Variants in SMARCAD1 observed in about 807,000 individuals in gnomAD.
The protein encoded by SMARCAD1 is SWI/SNF-related matrix-associated actin-dependent regulator of chromatin subfamily A containing DEAD/H box 1.
SMARCAD1 carries 25 observed loss-of-function variants against 127.1 expected under a neutral mutation model. The observed-to-expected ratio is 0.20, with a 90% CI of 0.14 to 0.27. The LOEUF (loss-of-function observed/expected upper bound fraction) is 0.27, where lower values mean the gene tolerates loss of function less well. Among genes scored for constraint, SMARCAD1 ranks in the 10% least tolerant of loss-of-function variants. The pLI, the probability that SMARCAD1 is intolerant of heterozygous loss-of-function variation, is 1.00. For synonymous variants in SMARCAD1, 400 were observed against 396.9 expected, an observed-to-expected ratio of 1.01 and a Z score of -0.09; for missense variants, 807 against 1,206.0, an observed-to-expected ratio of 0.67 and a Z score of 4.90.
At chr4:94,248,007 G>A (rs1233988538) in intron 6 of SMARCAD1, among the ~76,000 whole-genome samples, 3 of 151,918 alleles carry the variant, frequency 2.0e-5, no homozygotes, top group Non-Finnish European at 2.9e-5. Context: ...TCCTCCCTCC[G>A]CCTTCTTGTG....
intron 6 of SMARCAD1, chr4:94,248,635 G>T: frequency 2.4e-6 from 1 of 416,798 alleles, no homozygotes. Context: ...TGTTAGCTCT[G>T]GTTTAATTCT....
chr4:94,248,627 T>C, intron 6 of SMARCAD1: 1 of 426,428 alleles, frequency 2.3e-6, no homozygotes. Context: ...TTATTCCATG[T>C]TAGCTCTGGT....
intron 6 of SMARCAD1, among the ~76,000 whole-genome samples, chr4:94,242,928 G>A (rs1167104360): frequency 6.6e-6 from 1 of 151,988 alleles, no homozygotes; most frequent in Non-Finnish European, 1.5e-5. Context: ...ACATACAAAT[G>A]AAGTTTAAGG....
chr4:94,252,651 G>T lies in SMARCAD1; in HGVS notation c.925G>T (p.Gly309Ter). Reference sequence around the variant, plus strand: ...TGTATCACAAAGTGAGGTTCCAAATGGAAAAGAAGTTTCTTCAAGAAGTCA... The same window carrying T: ...TGTATCACAAAGTGAGGTTCCAAATTGAAAAGAAGTTTCTTCAAGAAGTCA... ...QYVSQSEVPNGKEVSSRSQNY... is the reference protein window; with the variant it reads ...QYVSQSEVPN The change falls in exon 9 of 24, where the codon GGA becomes TGA. Residue 309 changes from glycine to a stop codon, truncating the protein, a stop_gained. Coordinates refer to ENST00000354268, the MANE Select transcript of SMARCAD1 (RefSeq NM_020159.5). LOFTEE classifies it high-confidence loss of function. The T allele has an allele frequency of 6.4e-7, 1 of 1,573,300 alleles. No individual in the cohort carries two copies. The highest frequency in any genetic ancestry group is 1.2e-5 in the South Asian group (1 of 83,572).
intron 4 of SMARCAD1, 121 bp downstream of exon 4, chr4:94,234,243 T>G (rs2125860233): frequency 1.1e-6 from 1 of 912,254 alleles, no homozygotes; most frequent in African/African-American, 1.7e-5. Context: ...TATTAACTAT[T>G]AAATCTAAAG....
intron 6 of SMARCAD1, among the ~76,000 whole-genome samples, chr4:94,242,948 CT>C (rs1246088746): frequency 2.0e-5 from 3 of 152,090 alleles, no homozygotes; most frequent in African/African-American, 4.8e-5. Flanking sequence ...GATTTCTTCC[CT>C]CTTTATCAGG....
Position 94,276,439 on chromosome 4 carries a change from G to A in SMARCAD1, c.1909G>A (p.Gly637Ser), listed in dbSNP as rs1391340863. ...TGAGGGCCATATGCTGAAGAATATG[G>A]GCTCCATTCGCTACCAGCACCTTAT... ...FDEGHMLKNM[G>S]SIRYQHLMTI... The change falls in exon 15 of 24, where the codon GGC becomes AGC. Residue 637 changes from glycine to serine, a missense_variant. Physicochemically the swap from Gly to Ser is moderately conservative, Grantham distance 56 (BLOSUM62 0). Transcript: ENST00000354268. 6.2e-7 allele frequency: 1 copy of A among 1,614,020 alleles called. No homozygotes were observed. Among genetic ancestry groups the A allele is most frequent in the Admixed American group, 1.7e-5 (1 of 60,008 alleles).
At chr4:94,214,871 T>G (rs934916755) in intron 2 of SMARCAD1, among the ~76,000 whole-genome samples, 2 of 152,132 alleles carry the variant, frequency 1.3e-5, no homozygotes, top group African/African-American at 4.8e-5. Flanking sequence ...GGTTGTCATA[T>G]TGAAAGTAGC....
At position 94,244,183 on chromosome 4, in the gene SMARCAD1, T is replaced by C. The variant is rs1748045571; in HGVS notation, c.705+3177T>C. Among the ~76,000 whole-genome samples, 4 of 152,258 alleles carry C rather than the reference T, an allele frequency of 2.6e-5. No individual in the cohort carries two copies. In the South Asian group the frequency reaches 8.3e-4, roughly 31 times the overall value. On this transcript the variant is annotated intron_variant, in intron 6 of 23. Coordinates refer to ENST00000354268, the MANE Select transcript of SMARCAD1 (RefSeq NM_020159.5). ...AAAACTTAAGGAACAACCTTTCTCA[T>C]ACAGATCTTTGTAATTATATACACA...
intron 4 of SMARCAD1, 38 bp downstream of exon 4, chr4:94,234,160 A>G: frequency 6.5e-7 from 1 of 1,536,266 alleles, no homozygotes; most frequent in East Asian, 2.4e-5. Flanking sequence ...AATGATGATA[A>G]AATCTCTCCT....
intron 2 of SMARCAD1, among the ~76,000 whole-genome samples, chr4:94,213,691 G>T (rs1742662313): frequency 6.6e-6 from 1 of 152,172 alleles, no homozygotes. Flanking sequence ...GTGATCAGTT[G>T]AATGTGGAGG....
At chr4:94,255,547 A>T (rs1412268853) in intron 9 of SMARCAD1, among the ~76,000 whole-genome samples, 4 of 151,928 alleles carry the variant, frequency 2.6e-5, no homozygotes, top group African/African-American at 9.7e-5. Flanking sequence ...TATAAATGTA[A>T]TATAAGTGTA....
intron 9 of SMARCAD1, among the ~76,000 whole-genome samples, chr4:94,253,969 A>G (rs1321563207): frequency 2.0e-5 from 3 of 152,130 alleles, no homozygotes; most frequent in Non-Finnish European, 4.4e-5. Flanking sequence ...TTAGGGAGCA[A>G]AGTTGCTTTT....
rs1239903718 is a variant in SMARCAD1 at position 94,290,678 on chromosome 4, A to G, written c.*1144A>G. The G allele has an allele frequency of 4.5e-6, 2 of 445,994 alleles. No homozygotes were observed. The highest frequency in any genetic ancestry group is 8.9e-6 in the Non-Finnish European group (2 of 223,538). The allele number at this position is 445,994 out of a possible 1,614,324, so 27.6% of individuals were successfully genotyped here. The stretch of plus-strand genomic sequence containing the variant: ...TTGTCTATTTGATATTTAACTCTTT[A>G]TTAAATCTTTCTTTAAATTTCTGCC... On this transcript the variant is annotated 3_prime_UTR_variant, in exon 24 of 24. Coordinates refer to ENST00000354268, the MANE Select transcript of SMARCAD1 (RefSeq NM_020159.5).
chr4:94,248,429 A>G lies in SMARCAD1; in HGVS notation c.706-1225A>G, dbSNP rs1463218511. The G allele has an allele frequency of 2.0e-5, 9 of 455,864 alleles. No individual in the cohort carries two copies. In the East Asian group the frequency reaches 6.3e-4, roughly 32 times the overall value. The allele number at this position is 455,864 out of a possible 1,614,324, so 28.2% of individuals were successfully genotyped here. On this transcript the variant is annotated intron_variant, in intron 6 of 23. Transcript: ENST00000354268. ...AGATACTTGGATCTGTTCCCTCCTC[A>G]GCTGGTTGTTGTCCATCTGTGAGCT... is the stretch of plus-strand genomic sequence containing the variant.
chr4:94,256,837 A>T (rs192235648), intron 9 of SMARCAD1, among the ~76,000 whole-genome samples: 163 of 56,928 alleles, frequency 2.9e-3, no homozygotes, highest in African/African-American at 7.8e-3. Flanking sequence ...AGTTTGTATT[A>T]AAAAAATCTG....
At chr4:94,263,511 A>G (rs1334650338) in intron 9 of SMARCAD1, among the ~76,000 whole-genome samples, 1 of 152,048 alleles carries the variant, frequency 6.6e-6, no homozygotes, top group Non-Finnish European at 1.5e-5. Context: ...TGAAGTGCTA[A>G]GAATAGATTG....
At chr4:94,236,835 G>T in intron 4 of SMARCAD1, 117 bp from the exon 5 acceptor site, 1 of 820,328 alleles carries the variant, frequency 1.2e-6, no homozygotes, top group Non-Finnish European at 2.0e-6. Context: ...CTTAAACTAT[G>T]ACACACATAC....
In SMARCAD1 at chr4:94,217,509, CTT is replaced by C. The variant is rs1385358152; in HGVS notation, c.191-8606_191-8605del. On this transcript the variant is annotated intron_variant, in intron 2 of 23. Transcript: ENST00000354268. Reference sequence around the variant, plus strand: ...AAGCCATTTTTATGAGGTTTTGTCTCTTTTTAAAAAATTTCCAACTGGCAGAA... The same window carrying C: ...AAGCCATTTTTATGAGGTTTTGTCTCTTTAAAAAATTTCCAACTGGCAGAA... 5.3e-5 allele frequency among the ~76,000 whole-genome samples: 8 copies of C among 152,132 alleles called. 1 individual carries two copies. In the South Asian group the frequency reaches 1.7e-3, roughly 32 times the overall value.
Sources: gnomAD v4.1 joint callset for allele counts (sites outside exome capture counted in the v4.1 genomes callset) on GRCh38, gnomAD v4.1.1 for gene constraint, MANE v1.5 for transcripts, NCBI Gene and HGNC (gene_info 2026-07-23, HGNC 2026-07-21) for gene names.